C12orf42: variants seen among roughly 807,000 people sequenced by gnomAD.
C12orf42 encodes chromosome 12 open reading frame 42, also known as uncharacterized protein C12orf42.
Under a neutral mutation model 21.6 loss-of-function variants are expected in C12orf42, and 25 were observed. The ratio of observed to expected loss-of-function variants is 1.16; its 90% CI spans 0.84 to 1.62. The LOEUF (loss-of-function observed/expected upper bound fraction) is 1.62. Ranked by LOEUF, C12orf42 falls within the 40% of genes most tolerant of loss-of-function variation. The pLI, the probability that C12orf42 is intolerant of heterozygous loss-of-function variation, is 0.00. For missense variants in C12orf42, 483 were observed against 459.3 expected (o/e 1.05, Z -0.47); for synonymous variants, 174 against 175.0 (o/e 0.99, Z 0.05).
rs182556037 is a variant in C12orf42 at position 103,281,119 on chromosome 12, T to C, written n.338-3909A>G. Among the ~76,000 whole-genome samples the C allele has an allele frequency of 3.9e-5, 6 of 152,334 alleles. No individual in the cohort carries two copies. The East Asian group carries it at 1.2e-3, about 29-fold the overall frequency. On this transcript the variant is annotated intron_variant and non_coding_transcript_variant, in intron 4 of 6. Transcript: ENST00000546526. ...ATTTTCTAACCAAGTAATCAGTTAC[T>C]AAGATGATGTCTATTTGAAAGAGTA... is the stretch of plus-strand genomic sequence containing the variant.
intron 3 of C12orf42, among the ~76,000 whole-genome samples, chr12:103,385,539 C>T (rs1283845664): frequency 2.0e-5 from 3 of 150,542 alleles, no homozygotes; most frequent in African/African-American, 7.3e-5. Flanking sequence ...ATGAAAGCTT[C>T]GCAGGTAAAA....
At chr12:103,259,979 G>A (rs2034811922) in intron 10 of C12orf42, among the ~76,000 whole-genome samples, 1 of 152,110 alleles carries the variant, frequency 6.6e-6, no homozygotes, top group Non-Finnish European at 1.5e-5. Flanking sequence ...GGAGCTATTT[G>A]TATCTATTGA....
At chr12:103,427,603 GA>G (rs1266345288) in intron 2 of C12orf42, among the ~76,000 whole-genome samples, 2 of 152,168 alleles carry the variant, frequency 1.3e-5, no homozygotes, top group Non-Finnish European at 2.9e-5. Context: ...TTCAGGACTT[GA>G]ATTCAGCTCT....
intron 2 of C12orf42, among the ~76,000 whole-genome samples, chr12:103,435,549 T>G (rs1290087809): frequency 6.6e-6 from 1 of 151,786 alleles, no homozygotes; most frequent in African/African-American, 2.4e-5. Context: ...TACAGAGAAG[T>G]GCTTAAAGGA....
chr12:103,164,449 G>T, the C12orf42 span: 1,111 of 455,930 alleles, frequency 2.4e-3, 30 homozygotes, highest in East Asian at 0.062. Flanking sequence ...TAAGTTCTGA[G>T]CAAATAGGTG....
chr12:103,234,863 T>C (rs1469147915), downstream of C12orf42, among the ~76,000 whole-genome samples: 1 of 152,200 alleles, frequency 6.6e-6, no homozygotes, highest in Non-Finnish European at 1.5e-5. Flanking sequence ...ATAATCTTCA[T>C]GAACATACTT....
At chr12:103,233,696 G>A (rs1040535654), downstream of C12orf42, among the ~76,000 whole-genome samples, 2 of 152,094 alleles carry the variant, frequency 1.3e-5, no homozygotes, top group Non-Finnish European at 2.9e-5. Context: ...TATTAGTTCC[G>A]GGAGTTTTTT....
the C12orf42 span, among the ~76,000 whole-genome samples, chr12:103,155,832 T>G: frequency 6.6e-6 from 1 of 150,856 alleles, no homozygotes; most frequent in Non-Finnish European, 1.5e-5. Flanking sequence ...GATATGTGTG[T>G]ATATATACAT....
chr12:103,535,778 T>C, the C12orf42 span, among the ~76,000 whole-genome samples: 4 of 151,992 alleles, frequency 2.6e-5, no homozygotes, highest in Non-Finnish European at 5.9e-5. Context: ...TGTGAGATAA[T>C]AAGAATTTTT....
intron 2 of C12orf42, among the ~76,000 whole-genome samples, chr12:103,471,699 AC>A (rs1363582037): frequency 3.3e-5 from 5 of 152,216 alleles, no homozygotes; most frequent in Non-Finnish European, 5.9e-5. Flanking sequence ...TTTGGTCTAC[AC>A]CCCATGGTAA....
At chr12:103,201,472 G>A in the C12orf42 span, among the ~76,000 whole-genome samples, 2 of 151,942 alleles carry the variant, frequency 1.3e-5, no homozygotes, top group African/African-American at 4.8e-5. Flanking sequence ...TTGTTGCATA[G>A]AATAAGAGAA....
chr12:103,347,941 T>G (rs1329843060), intron 4 of C12orf42, among the ~76,000 whole-genome samples: 2 of 152,148 alleles, frequency 1.3e-5, no homozygotes, highest in Non-Finnish European at 2.9e-5. Flanking sequence ...ACCTGAACTA[T>G]GAAGCAATAT....
intron 3 of C12orf42, chr12:103,378,834 G>A (rs1223581481): frequency 2.0e-5 from 3 of 152,154 alleles, no homozygotes; most frequent in South Asian, 2.1e-4. Context: ...TGCTGTGAAT[G>A]TTTAAGTGAA....
At chr12:103,259,926 T>A (rs1366877478) in intron 10 of C12orf42, among the ~76,000 whole-genome samples, 1 of 152,202 alleles carries the variant, frequency 6.6e-6, no homozygotes, top group Non-Finnish European at 1.5e-5. Flanking sequence ...AACAGTTAAA[T>A]AACTTTATCC....
At chr12:103,193,907 C>T in the C12orf42 span, among the ~76,000 whole-genome samples, 1 of 152,186 alleles carries the variant, frequency 6.6e-6, no homozygotes, top group East Asian at 1.9e-4. Context: ...CCTTGATGAA[C>T]ATGAAGGCAA....
At chr12:103,367,487 G>T (rs1691280506) in intron 4 of C12orf42, among the ~76,000 whole-genome samples, 1 of 151,146 alleles carries the variant, frequency 6.6e-6, no homozygotes, top group Non-Finnish European at 1.5e-5. Context: ...AAAGAAAAAT[G>T]AATGAGAAAG....
chr12:103,186,809 A>C, the C12orf42 span, among the ~76,000 whole-genome samples: 2 of 152,258 alleles, frequency 1.3e-5, no homozygotes, highest in East Asian at 1.9e-4. Context: ...TTATTATTAT[A>C]AGATGTAGGA....
chr12:103,148,632 T>C, the C12orf42 span, among the ~76,000 whole-genome samples: 44,737 of 151,888 alleles, frequency 0.29, 7,633 homozygotes, highest in African/African-American at 0.46. Flanking sequence ...TTGAGTAAAA[T>C]GTAATATCTT....
At chr12:103,275,166 C>A (rs1311603047) in intron 5 of C12orf42, among the ~76,000 whole-genome samples, 1 of 152,002 alleles carries the variant, frequency 6.6e-6, no homozygotes, top group East Asian at 1.9e-4. Context: ...AAAAGCAGAA[C>A]CTTATTTCTA....
Sources: gnomAD v4.1 joint callset for allele counts (sites outside exome capture counted in the v4.1 genomes callset) on GRCh38, gnomAD v4.1.1 for gene constraint, MANE v1.5 for transcripts, NCBI Gene and HGNC (gene_info 2026-07-23, HGNC 2026-07-21) for gene names.